TBCD: variants seen among roughly 807,000 people sequenced by gnomAD.
TBCD encodes the protein tubulin-specific chaperone D.
A neutral mutation model predicts 169.3 loss-of-function variants in TBCD; 105 were observed. The observed-to-expected ratio is 0.62, with a 90% confidence interval of 0.53 to 0.73. TBCD has a LOEUF of 0.73. TBCD is among the 30% of genes least tolerant of loss of function. The probability of loss-of-function intolerance (pLI) is 0.00; values close to 1 mark genes in which losing one functional copy is unlikely to be tolerated. For synonymous variants in TBCD, 700 were observed against 643.9 expected (o/e 1.09, Z -1.32); for missense variants, 1,444 against 1,600.1 (o/e 0.90, Z 1.66).
intron 13 of TBCD, among the ~76,000 whole-genome samples, chr17:82,846,266 TGC>T (rs1318236492): frequency 5.9e-4 from 84 of 143,014 alleles, no homozygotes; most frequent in African/African-American, 2.1e-3. Flanking sequence ...GCGTCCTCTG[TGC>T]TGTGTCCTCT....
chr17:82,847,356 G>GAAAAAAAA (rs1041994030), intron 13 of TBCD, among the ~76,000 whole-genome samples: 3 of 81,750 alleles, frequency 3.7e-5, no homozygotes, highest in Admixed American at 1.4e-4. Context: ...CCATGTCAAA[G>GAAAAAAAA]AAAAAAAAAA....
Position 82,752,225 on chromosome 17 carries a change from GC to G in TBCD, c.36del (p.Glu13ArgfsTer50). On this transcript the variant is annotated frameshift_variant, in exon 1 of 39. Transcript: ENST00000355528. LOFTEE classifies it high-confidence loss of function. MALSDEPAAG[G>X]PEEEAEDETL... is the part of the protein sequence containing the mutation. Reference sequence around the variant, plus strand: ...CTGAGCGACGAACCGGCCGCGGGCGGCCCCGAGGAGGAGGCGGAGGACGAGA... The same window carrying G: ...CTGAGCGACGAACCGGCCGCGGGCGGCCCGAGGAGGAGGCGGAGGACGAGA... 1 of 1,525,652 alleles carries G rather than the reference GC, an allele frequency of 6.6e-7. No homozygotes were observed. The highest frequency in any genetic ancestry group is 8.8e-7 in the Non-Finnish European group (1 of 1,139,544). The allele number at this position is 1,525,652 out of a possible 1,614,324, so 94.5% of individuals were successfully genotyped here. A position where few individuals can be genotyped will look rare whatever the true frequency, so the allele number is the denominator to read the frequency against.
Position 82,764,075 on chromosome 17 carries a change from T to C in TBCD, c.333+13T>C. 1 of 1,598,248 alleles carries C rather than the reference T, an allele frequency of 6.3e-7. No individual in the cohort carries two copies. The highest frequency in any genetic ancestry group is 8.6e-7 in the Non-Finnish European group (1 of 1,166,276). ...CATCATCACCAAGGTAACATTTCCATAGCACTTCAGAGTTGACAGATACTT... is the reference window on the plus strand; with the variant it reads ...CATCATCACCAAGGTAACATTTCCACAGCACTTCAGAGTTGACAGATACTT... On this transcript the variant is annotated intron_variant, in intron 3 of 38. Transcript: ENST00000355528.
rs369426278 is a variant in TBCD, at chr17:82,809,780, C to T, written c.1221C>T (p.Phe407=). ...TGGTCGGGTCTGTGCTGGACTGCTT[C>T]AGGTATGTGAGAAGAGCAGGGGAGG... ...DDVVGSVLDC[F]SFQETDKAWH... Residue 407 remains phenylalanine (F), a splice_region_variant and synonymous_variant, in exon 12 of 39, where the codon TTC becomes TTT. Transcript: ENST00000355528. 2.3e-5 allele frequency: 37 copies of T among 1,613,250 alleles called. No individual in the cohort carries two copies. The highest frequency in any genetic ancestry group is 3.0e-5 in the Non-Finnish European group (35 of 1,179,602).
intron 17 of TBCD, among the ~76,000 whole-genome samples, chr17:82,894,872 G>A (rs1475492098): frequency 6.6e-6 from 1 of 152,150 alleles, no homozygotes; most frequent in Non-Finnish European, 1.5e-5. Flanking sequence ...AGCTACTCAG[G>A]AGGCTGAGGC....
chr17:82,805,872 C>T lies in TBCD; in HGVS notation c.951-3C>T. 1 of 1,604,794 alleles carries T rather than the reference C, an allele frequency of 6.2e-7. No homozygotes were observed. The highest frequency in any genetic ancestry group is 1.1e-5 in the South Asian group (1 of 90,872). ...TGATCTGAGGATGCTTTGCTTTGCA[C>T]AGGTACCAGCGTGGCTGCCGATCTT... On this transcript the variant is annotated splice_polypyrimidine_tract_variant and splice_region_variant and intron_variant, in intron 9 of 38. Coordinates refer to ENST00000355528, the MANE Select transcript of TBCD (RefSeq NM_005993.5).
At position 82,840,953 on chromosome 17, in the gene TBCD, G is replaced by GTTTTTTTTT. The variant is rs755302623; in HGVS notation, c.1318+26019_1318+26020insTTTTTTTTT. Among the ~76,000 whole-genome samples, 213 of 70,534 alleles carry GTTTTTTTTT rather than the reference G, an allele frequency of 3.0e-3. 36 individuals carry two copies. The highest frequency in any genetic ancestry group is 9.7e-3 in the African/African-American group (175 of 17,996). 46.3% of individuals were successfully genotyped at this position (70,534 alleles called of 152,430 possible). A position where few individuals can be genotyped will look rare whatever the true frequency, so the allele number is the denominator to read the frequency against. ...ACGAGCTGGCCAGGACAGACAAACT[G>GTTTTTTTTT]GTTTTTTTTTTTTTTTTTTTTTTTT... is the stretch of plus-strand genomic sequence containing the variant. On this transcript the variant is annotated intron_variant, in intron 13 of 38. Transcript: ENST00000355528.
Position 82,772,447 on chromosome 17 carries a change from T to C in TBCD, c.583-5T>C, listed in dbSNP as rs1324026648. 1 of 1,613,828 alleles carries C rather than the reference T, an allele frequency of 6.2e-7. No homozygotes were observed. ...ACCGTGTCTGTGCTTCACCCTTTCT[T>C]GCAGTCCTACTTGATTGTCAGTGAC... On this transcript the variant is annotated splice_region_variant and splice_polypyrimidine_tract_variant and intron_variant, in intron 5 of 38. Coordinates refer to ENST00000355528, the MANE Select transcript of TBCD (RefSeq NM_005993.5).
chr17:82,942,292 A>G (rs771800354), intron 38 of TBCD, 157 bp from the exon 39 acceptor site: 131 of 1,048,608 alleles, frequency 1.2e-4, no homozygotes, highest in Non-Finnish European at 1.6e-4. Flanking sequence ...TGTCAGCCAC[A>G]TAGCTCAGGC....
At chr17:82,830,853 A>C in intron 13 of TBCD, 1 of 1,612,876 alleles carries the variant, frequency 6.2e-7, no homozygotes, top group South Asian at 1.1e-5. Flanking sequence ...TCGGAGCAGG[A>C]GGGTCTCCGT....
In TBCD at chr17:82,944,858, A is replaced by G. The variant is rs1482069627; in HGVS notation, c.*2395A>G. 1 of 152,214 alleles carries G rather than the reference A, an allele frequency of 6.6e-6. No homozygotes were observed. Among genetic ancestry groups the G allele is most frequent in the Non-Finnish European group, 1.5e-5 (1 of 68,030 alleles). The allele number at this position is 152,214 out of a possible 1,614,324, so 9.4% of individuals were successfully genotyped here. ...AATTTAAGGCCCAGGGCCAGATCTA[A>G]TGGACCACTATATAAAGCTGGGACC... On this transcript the variant is annotated 3_prime_UTR_variant, in exon 39 of 39. Coordinates refer to ENST00000355528, the MANE Select transcript of TBCD (RefSeq NM_005993.5).
intron 13 of TBCD, among the ~76,000 whole-genome samples, chr17:82,868,016 G>A (rs61418580): frequency 6.6e-6 from 1 of 152,302 alleles, no homozygotes; most frequent in South Asian, 2.1e-4. Context: ...GTGTGTGGCC[G>A]TGCAGGGCCT....
chr17:82,939,252 G>A (rs1027326984), intron 36 of TBCD, 115 bp from the exon 37 acceptor site: 15 of 809,936 alleles, frequency 1.9e-5, no homozygotes, highest in Middle Eastern at 3.0e-4. Context: ...TGCAGGGTCA[G>A]CGTCCTCCTC....
At chr17:82,842,108 C>T (rs1023148531) in intron 13 of TBCD, among the ~76,000 whole-genome samples, 4 of 152,236 alleles carry the variant, frequency 2.6e-5, no homozygotes, top group African/African-American at 7.2e-5. Context: ...CACCTCTCAG[C>T]GGCAGGAGTG....
chr17:82,886,827 GCC>G (rs1029089676), intron 15 of TBCD, among the ~76,000 whole-genome samples: 27 of 150,346 alleles, frequency 1.8e-4, no homozygotes, highest in African/African-American at 6.4e-4. Context: ...GCACCACCAT[GCC>G]CGGCTACTTT....
chr17:82,944,218 C>G lies in TBCD; in HGVS notation c.*1755C>G, dbSNP rs376786915. ...GGCAAAGCAGTTCTTCTTTTAATGTCGGTCTAACTTAGCAACCCGAGGAAA... is the reference window on the plus strand; with the variant it reads ...GGCAAAGCAGTTCTTCTTTTAATGTGGGTCTAACTTAGCAACCCGAGGAAA... On this transcript the variant is annotated 3_prime_UTR_variant, in exon 39 of 39. Coordinates refer to ENST00000355528, the MANE Select transcript of TBCD (RefSeq NM_005993.5). 6.6e-6 allele frequency: 1 copy of G among 152,192 alleles called. No individual in the cohort carries two copies. The highest frequency in any genetic ancestry group is 2.4e-5 in the African/African-American group (1 of 41,448). The allele number at this position is 152,192 out of a possible 1,614,324, so 9.4% of individuals were successfully genotyped here. A position where few individuals can be genotyped will look rare whatever the true frequency, so the allele number is the denominator to read the frequency against.
chr17:82,923,156 C>T lies in TBCD; in HGVS notation c.2179-496C>T, dbSNP rs896304870. Among the ~76,000 whole-genome samples, 16 of 152,216 alleles carry T rather than the reference C, an allele frequency of 1.1e-4. No homozygotes were observed. Among genetic ancestry groups the T allele is most frequent in the African/African-American group, 3.6e-4 (15 of 41,452 alleles). ...CGTTACTCTGGGTGCATAGTGTATG[C>T]CTTTTTCTTCATAACTATTTCTGGG... On this transcript the variant is annotated intron_variant, in intron 25 of 38. Transcript: ENST00000355528. The surrounding 1 kb of genome is among the most constrained non-coding windows in gnomAD (Gnocchi z 4.6).
chr17:82,836,083 T>TC (rs1295776804), intron 13 of TBCD, among the ~76,000 whole-genome samples: 3 of 151,616 alleles, frequency 2.0e-5, no homozygotes, highest in Non-Finnish European at 4.4e-5. Context: ...CTTTCTAATT[T>TC]CCCCCTATTA....
intron 37 of TBCD, among the ~76,000 whole-genome samples, chr17:82,940,600 C>A (rs1048900494): frequency 6.6e-6 from 1 of 152,164 alleles, no homozygotes. Flanking sequence ...AGGGCTTCCG[C>A]GAGGTTTTCT....
Sources: allele counts gnomAD v4.1 joint callset (sites outside exome capture counted in the v4.1 genomes callset), GRCh38; gene constraint gnomAD v4.1.1; non-coding constraint Gnocchi (gnomAD v3.1); transcripts MANE v1.5; gene names NCBI Gene and HGNC (gene_info 2026-07-23, HGNC 2026-07-21).